RIMS1: variants seen among roughly 807,000 people sequenced by gnomAD.
RIMS1 encodes the protein regulating synaptic membrane exocytosis protein 1.
In RIMS1, 83 loss-of-function variants were observed where a neutral mutation model predicts 214.1. The ratio of observed to expected loss-of-function variants is 0.39; its 90% confidence interval spans 0.32 to 0.47. The LOEUF is 0.47. RIMS1 is among the 20% of genes least tolerant of loss of function. RIMS1 has a pLI of 0.99. For missense variants in RIMS1, 2,050 were observed against 2,161.8 expected, an observed-to-expected ratio of 0.95 and a Z score of 1.03; for synonymous variants, 793 against 786.8, an observed-to-expected ratio of 1.01 and a Z score of -0.13.
intron 16 of RIMS1, among the ~76,000 whole-genome samples, chr6:72,254,383 A>G (rs981339571): frequency 6.6e-6 from 1 of 152,186 alleles, no homozygotes; most frequent in African/African-American, 2.4e-5. Context: ...AGAAAGGTTC[A>G]CACAAAATGT....
intron 1 of RIMS1, among the ~76,000 whole-genome samples, chr6:71,889,226 TG>T (rs1464421277): frequency 1.3e-5 from 2 of 152,106 alleles, no homozygotes; most frequent in Non-Finnish European, 2.9e-5. Context: ...GTCTCAAGCA[TG>T]GTGGAGAGTG....
Position 72,253,970 on chromosome 6 carries a change from A to T in RIMS1, c.2770+1138A>T, listed in dbSNP as rs1164125562. On this transcript the variant is annotated intron_variant, in intron 16 of 33. Transcript: ENST00000521978. ...ACCCTCCACCTCCCAGGTTCGAGTG[A>T]TTCTCCTGCCTCAGCCTCCTGAGTA... 2.0e-5 allele frequency among the ~76,000 whole-genome samples: 3 copies of T among 152,260 alleles called. No individual in the cohort carries two copies. The East Asian group carries it at 5.8e-4, about 29-fold the overall frequency.
chr6:72,349,833 A>G (rs1309644400), intron 29 of RIMS1, among the ~76,000 whole-genome samples: 1 of 152,116 alleles, frequency 6.6e-6, no homozygotes, highest in African/African-American at 2.4e-5. Context: ...TTAAAAAGGA[A>G]AAATAAAACA....
chr6:71,971,313 C>G (rs964970953), intron 2 of RIMS1, among the ~76,000 whole-genome samples: 24 of 152,066 alleles, frequency 1.6e-4, no homozygotes, highest in Non-Finnish European at 3.1e-4. Context: ...AATCAATTAA[C>G]AAACTATTGC....
chr6:71,902,075 A>G (rs1331081754), intron 1 of RIMS1, among the ~76,000 whole-genome samples: 1 of 152,170 alleles, frequency 6.6e-6, no homozygotes, highest in Non-Finnish European at 1.5e-5. Flanking sequence ...GATAGAATTT[A>G]AATGGATAAA....
intron 1 of RIMS1, among the ~76,000 whole-genome samples, chr6:71,915,867 G>C (rs902277381): frequency 6.6e-6 from 1 of 152,056 alleles, no homozygotes; most frequent in African/African-American, 2.4e-5. Flanking sequence ...AGGCAAAGGA[G>C]GGGCAAAGTC....
intron 2 of RIMS1, among the ~76,000 whole-genome samples, chr6:71,972,829 G>A (rs1796196417): frequency 6.6e-6 from 1 of 152,166 alleles, no homozygotes; most frequent in Non-Finnish European, 1.5e-5. Context: ...ATACTAAAAT[G>A]CGTTTAAAAA....
chr6:72,265,082 G>T (rs2079857610), intron 20 of RIMS1, 30 bp downstream of exon 20: 1 of 1,291,548 alleles, frequency 7.7e-7, no homozygotes, highest in Non-Finnish European at 1.1e-6. Flanking sequence ...GTCCCACCCA[G>T]TTATAAAGTA....
intron 6 of RIMS1, among the ~76,000 whole-genome samples, chr6:72,228,074 A>G (rs1284098565): frequency 6.6e-6 from 1 of 151,936 alleles, no homozygotes; most frequent in African/African-American, 2.4e-5. Context: ...CACTCATAAA[A>G]CTAGCACCAC....
At chr6:72,154,096 TAC>T (rs1488055271) in intron 4 of RIMS1, among the ~76,000 whole-genome samples, 3 of 151,910 alleles carry the variant, frequency 2.0e-5, no homozygotes, top group Non-Finnish European at 4.4e-5. Flanking sequence ...GAAAAAAAAA[TAC>T]ACACACGCAC....
chr6:71,920,407 A>C (rs1779632957), intron 1 of RIMS1, among the ~76,000 whole-genome samples: 1 of 152,134 alleles, frequency 6.6e-6, no homozygotes, highest in Non-Finnish European at 1.5e-5. Flanking sequence ...AGTTATGTGA[A>C]CTCTCTTTAC....
intron 29 of RIMS1, among the ~76,000 whole-genome samples, chr6:72,340,403 T>C (rs1221174655): frequency 3.3e-5 from 5 of 151,876 alleles, no homozygotes; most frequent in African/African-American, 1.2e-4. Flanking sequence ...TCTTCTAGGG[T>C]TTTTATGGTT....
At chr6:72,294,106 A>G (rs1207360797) in intron 26 of RIMS1, among the ~76,000 whole-genome samples, 1 of 151,594 alleles carries the variant, frequency 6.6e-6, no homozygotes, top group African/African-American at 2.4e-5. Context: ...GTGCTTTAGG[A>G]CTTTTGGTAA....
intron 4 of RIMS1, among the ~76,000 whole-genome samples, chr6:72,162,115 T>A (rs2045522115): frequency 7.1e-6 from 1 of 141,208 alleles, no homozygotes; most frequent in Non-Finnish European, 1.6e-5. Flanking sequence ...CTCTTCTTGT[T>A]GAATTGATCC....
At chr6:71,933,364 C>G (rs1199258828) in intron 1 of RIMS1, among the ~76,000 whole-genome samples, 1 of 152,106 alleles carries the variant, frequency 6.6e-6, no homozygotes, top group Non-Finnish European at 1.5e-5. Context: ...CTCTGATCTA[C>G]TGAGTCGTTG....
At chr6:71,983,109 G>A (rs1254612236) in intron 2 of RIMS1, among the ~76,000 whole-genome samples, 1 of 151,922 alleles carries the variant, frequency 6.6e-6, no homozygotes, top group Admixed American at 6.6e-5. Flanking sequence ...CCTCCAAAAC[G>A]TACTTGACCA....
In RIMS1 at chr6:72,182,531, A is replaced by T; in HGVS notation, c.1060A>T (p.Arg354Trp). 6.4e-7 allele frequency: 1 copy of T among 1,566,846 alleles called. No individual in the cohort carries two copies. The highest frequency in any genetic ancestry group is 8.6e-7 in the Non-Finnish European group (1 of 1,156,512). ...KQRKEEDYQT[R>W]YRSDPNLARY... ...AAGAAAAGAGGAGGATTATCAGACC[A>T]GGTACCGCAGCGACCCGAACCTAGC... Residue 354 changes from arginine (R) to tryptophan (W), a missense_variant, in exon 6 of 34, where the codon AGG becomes TGG. Around this residue, in one of 6 missense-constraint regions of RIMS1, gnomAD observed 882 missense variants for 828.9 expected, o/e 1.06. Coordinates refer to ENST00000521978, the MANE Select transcript of RIMS1 (RefSeq NM_014989.7).
At chr6:71,986,765 C>T (rs1800084891) in intron 2 of RIMS1, among the ~76,000 whole-genome samples, 1 of 152,188 alleles carries the variant, frequency 6.6e-6, no homozygotes. Flanking sequence ...TCCACCAGTC[C>T]AGTGTGGGCA....
chr6:72,180,009 T>A, intron 5 of RIMS1, 94 bp downstream of exon 5: 1 of 815,664 alleles, frequency 1.2e-6, no homozygotes, highest in Non-Finnish European at 1.8e-6. Context: ...GAGGAATATG[T>A]GGAAGTAGTA....
Sources: gnomAD v4.1 joint callset for allele counts (sites outside exome capture counted in the v4.1 genomes callset) on GRCh38, gnomAD v4.1.1 for gene constraint, gnomAD v4.1.1 regional missense constraint, MANE v1.5 for transcripts, NCBI Gene and HGNC (gene_info 2026-07-23, HGNC 2026-07-21) for gene names.